Variants in TRAPPC11 observed in about 807,000 individuals in gnomAD.
TRAPPC11 encodes the protein foie gras homolog.
Under a neutral mutation model 151.2 loss-of-function variants are expected in TRAPPC11, and 104 were observed. The ratio of observed to expected loss-of-function variants is 0.69; its 90% CI spans 0.59 to 0.81. The LOEUF (loss-of-function observed/expected upper bound fraction) is 0.81. Among genes scored for constraint, TRAPPC11 ranks in the 30% least tolerant of loss-of-function variants. TRAPPC11 has a pLI of 0.00. For synonymous variants in TRAPPC11, 456 were observed against 472.3 expected (o/e 0.97, Z 0.45); for missense variants, 1,230 against 1,349.6 (o/e 0.91, Z 1.39).
chr4:183,678,835 T>C (rs1735539292), intron 8 of TRAPPC11, among the ~76,000 whole-genome samples: 1 of 152,238 alleles, frequency 6.6e-6, no homozygotes, highest in Non-Finnish European at 1.5e-5. Flanking sequence ...GCTTTGTTTC[T>C]TCCTTTTTTC....
At chr4:183,680,323 A>G (rs1221096778) in intron 10 of TRAPPC11, 56 bp downstream of exon 10, 12 of 1,581,444 alleles carry the variant, frequency 7.6e-6, no homozygotes, top group Non-Finnish European at 1.0e-5. Flanking sequence ...TTCTTTTGAA[A>G]GAAGCTAGAA....
intron 22 of TRAPPC11, among the ~76,000 whole-genome samples, chr4:183,694,379 T>TG (rs761628031): frequency 1.3e-5 from 2 of 152,198 alleles, no homozygotes; most frequent in Non-Finnish European, 2.9e-5. Context: ...TTCTAAAAGA[T>TG]GCAGTAGTAA....
chr4:183,685,136 T>C lies in TRAPPC11; in HGVS notation c.1620T>C (p.Asn540=). Residue 540 remains asparagine, a synonymous_variant, in exon 16 of 30, where the codon AAT becomes AAC. Coordinates refer to ENST00000334690, the MANE Select transcript of TRAPPC11 (RefSeq NM_021942.6). The part of the protein sequence containing the change: ...QKSRIEKNLI[N]VLMNESPDPE... ...CTCGGATAGAAAAGAACCTCATAAA[T>C]GTTTTAATGGTAGGTTGGAATTGTT... is the stretch of plus-strand genomic sequence containing the variant. 6.2e-7 allele frequency: 1 copy of C among 1,613,956 alleles called. No homozygotes were observed. Among genetic ancestry groups the C allele is most frequent in the South Asian group, 1.1e-5 (1 of 91,066 alleles).
At chr4:183,712,555 T>C (rs1205819202) in intron 29 of TRAPPC11, 45 bp from the exon 30 acceptor site, 3 of 1,570,830 alleles carry the variant, frequency 1.9e-6, no homozygotes, top group African/African-American at 2.7e-5. Flanking sequence ...CTTTTGTTAT[T>C]ATATTATAAT....
At chr4:183,668,526 C>T (rs1734993988) in intron 5 of TRAPPC11, among the ~76,000 whole-genome samples, 1 of 151,294 alleles carries the variant, frequency 6.6e-6, no homozygotes, top group Admixed American at 6.6e-5. Flanking sequence ...TTATATGTTT[C>T]TCCATTATAC....
intron 1 of TRAPPC11, among the ~76,000 whole-genome samples, chr4:183,661,497 G>T (rs893443426): frequency 6.9e-6 from 1 of 144,330 alleles, no homozygotes; most frequent in East Asian, 2.2e-4. Flanking sequence ...TCAGCCTCCC[G>T]AGTAGCTGGG....
chr4:183,705,023 C>G lies in TRAPPC11; in HGVS notation c.3008C>G (p.Thr1003Ser). The stretch of plus-strand genomic sequence containing the variant: ...ATCCCCATCATCACAACTGTCATCA[C>G]TCTGCCGCACGTGATTGTGGAGAAT... The part of the protein sequence containing the change: ...ENIPIITTVI[T>S]LPHVIVENIP... Residue 1003 changes from threonine to serine, a missense_variant, in exon 27 of 30, where the codon ACT becomes AGT. Physicochemically the swap from Thr to Ser is moderately conservative, Grantham distance 58. Transcript: ENST00000334690. 1 of 1,601,888 alleles carries G rather than the reference C, an allele frequency of 6.2e-7. No individual in the cohort carries two copies. The highest frequency in any genetic ancestry group is 8.5e-7 in the Non-Finnish European group (1 of 1,171,462).
chr4:183,661,707 T>C (rs1487053068), intron 1 of TRAPPC11, among the ~76,000 whole-genome samples: 7 of 151,840 alleles, frequency 4.6e-5, no homozygotes, highest in Non-Finnish European at 1.0e-4. Context: ...ACACATTCTT[T>C]TTCAAATAAG....
chr4:183,680,754 G>C (rs1479808345), intron 10 of TRAPPC11, among the ~76,000 whole-genome samples: 4 of 139,604 alleles, frequency 2.9e-5, no homozygotes, highest in African/African-American at 1.1e-4. Flanking sequence ...GTGCAGTCTC[G>C]GCTTACTGCA....
chr4:183,701,930 G>A, intron 26 of TRAPPC11, 122 bp downstream of exon 26: 1 of 698,456 alleles, frequency 1.4e-6, no homozygotes, highest in Non-Finnish European at 2.5e-6. Flanking sequence ...AAGTCATGTG[G>A]ATATGAACAC....
intron 3 of TRAPPC11, 63 bp downstream of exon 3, chr4:183,666,489 C>A (rs1050649826): frequency 1.3e-6 from 2 of 1,524,166 alleles, no homozygotes; most frequent in African/African-American, 1.6e-5. Context: ...CACTAACATT[C>A]CTTGAAGGCA....
chr4:183,697,651 A>G, intron 24 of TRAPPC11, 28 bp from the exon 25 acceptor site: 1 of 1,612,266 alleles, frequency 6.2e-7, no homozygotes. Context: ...GTAATTCCTG[A>G]CAGACCTTTT....
chr4:183,710,689 C>G (rs1248252402), intron 29 of TRAPPC11, among the ~76,000 whole-genome samples: 1 of 151,904 alleles, frequency 6.6e-6, no homozygotes, highest in East Asian at 1.9e-4. Flanking sequence ...AAATGTTCAC[C>G]GGACTCCGCA....
At chr4:183,664,104 T>TTC (rs202130622) in intron 2 of TRAPPC11, 33 bp downstream of exon 2, 11 of 1,555,822 alleles carry the variant, frequency 7.1e-6, no homozygotes, top group Admixed American at 1.7e-5. Context: ...TGTTCTTTCC[T>TTC]TCTCTCTCTC....
intron 5 of TRAPPC11, among the ~76,000 whole-genome samples, chr4:183,670,046 AC>A (rs1381230769): frequency 2.0e-5 from 3 of 152,182 alleles, no homozygotes; most frequent in African/African-American, 7.2e-5. Flanking sequence ...AAACTCATAG[AC>A]CCTTTCTTCA....
intron 11 of TRAPPC11, chr4:183,683,704 C>A: frequency 2.3e-6 from 1 of 438,796 alleles, no homozygotes; most frequent in Non-Finnish European, 4.1e-6. Context: ...CAAGTGTATC[C>A]TCTATAGAGG....
At chr4:183,671,979 T>C (rs2111321642) in intron 5 of TRAPPC11, among the ~76,000 whole-genome samples, 1 of 152,364 alleles carries the variant, frequency 6.6e-6, no homozygotes, top group East Asian at 1.9e-4. Flanking sequence ...CAGATAATTG[T>C]GTGCGTATTT....
At chr4:183,706,711 A>C in intron 27 of TRAPPC11, 96 bp from the exon 28 acceptor site, 1 of 1,345,250 alleles carries the variant, frequency 7.4e-7, no homozygotes, top group Admixed American at 2.1e-5. Flanking sequence ...AATTTAAATG[A>C]TACTATGTCC....
At chr4:183,675,102 CATT>C (rs1181816110) in intron 6 of TRAPPC11, 59 bp from the exon 7 acceptor site, 4 of 876,882 alleles carry the variant, frequency 4.6e-6, no homozygotes, top group East Asian at 6.1e-5. Context: ...TCATAATAAA[CATT>C]ATAATTTTCA....
Sources: allele counts gnomAD v4.1 joint callset (sites outside exome capture counted in the v4.1 genomes callset), GRCh38; gene constraint gnomAD v4.1.1; transcripts MANE v1.5; gene names NCBI Gene and HGNC (gene_info 2026-07-23, HGNC 2026-07-21).